Variants in PKHD1 observed in about 807,000 individuals in gnomAD.
PKHD1 encodes fibrocystin.
A neutral mutation model predicts 412.0 loss-of-function variants in PKHD1; 291 were observed. That is an observed-to-expected ratio of 0.71 (90% CI 0.64 to 0.78). The LOEUF (loss-of-function observed/expected upper bound fraction) is 0.78, where lower values mean the gene tolerates loss of function less well. Among genes scored for constraint, PKHD1 ranks in the 30% least tolerant of loss-of-function variants. PKHD1 has a pLI of 0.00. For missense variants in PKHD1, 4,825 were observed against 4,950.7 expected, an observed-to-expected ratio of 0.97 and a Z score of 0.76; for synonymous variants, 1,777 against 1,821.5, an observed-to-expected ratio of 0.98 and a Z score of 0.62.
At chr6:51,721,298 C>A in intron 60 of PKHD1, 2 of 873,214 alleles carry the variant, frequency 2.3e-6, no homozygotes, top group Non-Finnish European at 1.4e-6. Flanking sequence ...CTTTCTTTAC[C>A]AATATTATTA....
chr6:51,830,817 G>A (rs565084475), intron 52 of PKHD1, 44 bp downstream of exon 52: 1 of 1,578,644 alleles, frequency 6.3e-7, no homozygotes, highest in South Asian at 1.1e-5. Context: ...GATCTGGCTG[G>A]GTTCAGCCTG....
chr6:51,815,648 C>T lies in PKHD1; in HGVS notation c.8302+15213G>A, dbSNP rs984859791. On this transcript the variant is annotated intron_variant, in intron 52 of 66. Coordinates refer to ENST00000371117, the MANE Select transcript of PKHD1 (RefSeq NM_138694.4). ...CGATGAGGCCAGATCACAAAGGGCT[C>T]TGCAGTCCAAACAAATACGTTTGAA... Among the ~76,000 whole-genome samples the T allele has an allele frequency of 1.8e-4, 27 of 152,252 alleles. 1 individual carries two copies. Among genetic ancestry groups the T allele is most frequent in the African/African-American group, 6.0e-4 (25 of 41,558 alleles).
At chr6:51,918,132 T>C (rs1054855240) in intron 37 of PKHD1, among the ~76,000 whole-genome samples, 1 of 152,036 alleles carries the variant, frequency 6.6e-6, no homozygotes, top group Non-Finnish European at 1.5e-5. Flanking sequence ...TGTTGACCTG[T>C]TTTAAAGACC....
At chr6:52,053,377 C>T in intron 20 of PKHD1, 126 bp from the exon 21 acceptor site, 2 of 929,904 alleles carry the variant, frequency 2.2e-6, no homozygotes, top group South Asian at 1.4e-5. Flanking sequence ...CCCATGAACC[C>T]CTGCACCCAA....
intron 29 of PKHD1, among the ~76,000 whole-genome samples, chr6:52,031,906 T>C (rs1478988800): frequency 6.6e-6 from 1 of 152,220 alleles, no homozygotes; most frequent in East Asian, 1.9e-4. Flanking sequence ...TGGTCAACTG[T>C]CAAGCTAATC....
At position 51,806,694 on chromosome 6, in the gene PKHD1, G is replaced by A. The variant is rs58419334; in HGVS notation, c.8303-15321C>T. On this transcript the variant is annotated intron_variant, in intron 52 of 66. Coordinates refer to ENST00000371117, the MANE Select transcript of PKHD1 (RefSeq NM_138694.4). ...GAATCGTTATCTAAAAATAGATGAG[G>A]GTTTTTTTTTAATTCAAGGGAGTTT... Among the ~76,000 whole-genome samples the A allele has an allele frequency of 9.1e-3, 920 of 101,304 alleles. 15 individuals are homozygous for A. Among genetic ancestry groups the A allele is most frequent in the African/African-American group, 0.028 (861 of 31,044 alleles). The allele number at this position is 101,304 out of a possible 152,430, so 66.5% of individuals were successfully genotyped here.
In PKHD1 at chr6:52,071,055, C is replaced by T. The variant is rs2128230194; in HGVS notation, c.618G>A (p.Glu206=). 6.2e-7 allele frequency: 1 copy of T among 1,603,894 alleles called. No homozygotes were observed. Among genetic ancestry groups the T allele is most frequent in the Non-Finnish European group, 8.5e-7 (1 of 1,170,928 alleles). ...ACTGCAGAGTCCCAAGACCATGGTC[C>T]TCCTGAATAGGATAACTAAGGAAAA... ...RQMGSCYPIQ[E]DHGLGTLQCH... is the part of the protein sequence containing the mutation. Residue 206 remains glutamate, a synonymous_variant, in exon 9 of 67, where the codon GAG becomes GAA. Coordinates refer to ENST00000371117, the MANE Select transcript of PKHD1 (RefSeq NM_138694.4).
chr6:51,745,664 A>G (rs1785098968), intron 59 of PKHD1, among the ~76,000 whole-genome samples: 2 of 152,204 alleles, frequency 1.3e-5, no homozygotes, highest in African/African-American at 2.4e-5. Context: ...TGATTGTGCC[A>G]CTGCACTTCA....
At chr6:52,048,886 T>C (rs1806299397) in intron 22 of PKHD1, among the ~76,000 whole-genome samples, 1 of 152,228 alleles carries the variant, frequency 6.6e-6, no homozygotes, top group South Asian at 2.1e-4. Context: ...CCACTGAAGA[T>C]GTCTCACCTC....
At chr6:52,086,209 C>A (rs1360484563) in intron 1 of PKHD1, among the ~76,000 whole-genome samples, 2 of 151,370 alleles carry the variant, frequency 1.3e-5, no homozygotes, top group Admixed American at 6.6e-5. Flanking sequence ...CTCCCAGGTT[C>A]AAGTGATTCT....
chr6:51,704,622 G>A (rs1028095732), intron 60 of PKHD1, among the ~76,000 whole-genome samples: 1 of 152,096 alleles, frequency 6.6e-6, no homozygotes, highest in African/African-American at 2.4e-5. Context: ...TTGTGACTCT[G>A]TGAAGGATGG....
chr6:51,649,013 A>G (rs2150365934), intron 62 of PKHD1, 72 bp downstream of exon 62: 1 of 1,423,528 alleles, frequency 7.0e-7, no homozygotes, highest in East Asian at 2.3e-5. Context: ...ATGATGACAC[A>G]CTCTAAAAGA....
rs574679899 is a variant in PKHD1 at position 51,618,406 on chromosome 6, T to A, written c.*675A>T. Reference sequence around the variant, plus strand: ...GCATTTTTACATCTTTGTCCTTAACTAAACTCTCAGCAAAGCCCATGAGAA... The same window carrying A: ...GCATTTTTACATCTTTGTCCTTAACAAAACTCTCAGCAAAGCCCATGAGAA... On this transcript the variant is annotated 3_prime_UTR_variant, in exon 67 of 67. Coordinates refer to ENST00000371117, the MANE Select transcript of PKHD1 (RefSeq NM_138694.4). The A allele has an allele frequency of 6.6e-6, 1 of 152,586 alleles. No individual in the cohort carries two copies. Among genetic ancestry groups the A allele is most frequent in the Non-Finnish European group, 1.5e-5 (1 of 68,418 alleles). 9.5% of individuals were successfully genotyped at this position (152,586 alleles called of 1,614,324 possible). A position where few individuals can be genotyped will look rare whatever the true frequency, so the allele number is the denominator to read the frequency against.
intron 45 of PKHD1, 34 bp downstream of exon 45, chr6:51,885,830 AAAC>A (rs761763100): frequency 4.5e-6 from 6 of 1,332,210 alleles, no homozygotes; most frequent in African/African-American, 2.9e-5. Flanking sequence ...TTAATTTTAA[AAAC>A]AACAACAATA....
chr6:51,874,910 C>T (rs1385016952), intron 46 of PKHD1, among the ~76,000 whole-genome samples: 1 of 86,278 alleles, frequency 1.2e-5, no homozygotes, highest in Non-Finnish European at 2.1e-5. Context: ...GTGTGCGCAC[C>T]GTGCGCGAGC....
rs754382673 is a variant in PKHD1 at position 51,744,412 on chromosome 6, C to T, written c.10129G>A (p.Glu3377Lys). Residue 3377 changes from glutamate (E) to lysine (K), a missense_variant, in exon 60 of 67, where the codon GAA becomes AAA. Physicochemically the swap from Glu to Lys is moderately conservative, Grantham distance 56 (BLOSUM62 1). Transcript: ENST00000371117. ...PVSVFPKTEA[E>K]WTASFFNAGT... is the part of the protein sequence containing the mutation. The stretch of plus-strand genomic sequence containing the variant: ...GCGTTGAAGAAGGATGCAGTCCATT[C>T]TGCCTCTGTTTTAGGAAATACAGAA... The T allele has an allele frequency of 1.9e-6, 3 of 1,614,018 alleles. No homozygotes were observed. The South Asian group carries it at 3.3e-5, about 18-fold the overall frequency.
Position 51,616,083 on chromosome 6 carries a change from A to G in PKHD1, c.*2998T>C, listed in dbSNP as rs1423019467. 6.6e-6 allele frequency: 1 copy of G among 152,178 alleles called. No individual in the cohort carries two copies. Among genetic ancestry groups the G allele is most frequent in the African/African-American group, 2.4e-5 (1 of 41,428 alleles). 9.4% of individuals were successfully genotyped at this position (152,178 alleles called of 1,614,324 possible). On this transcript the variant is annotated 3_prime_UTR_variant, in exon 67 of 67. Transcript: ENST00000371117. ...TCTTTATTTGACAAATAAAAATTGT[A>G]TATATTTATCATGTACAACTCGATA...
intron 33 of PKHD1, among the ~76,000 whole-genome samples, chr6:52,018,622 C>A (rs557426895): frequency 2.0e-4 from 31 of 152,112 alleles, no homozygotes; most frequent in Non-Finnish European, 3.1e-4. Context: ...CAAGCAATTC[C>A]CCTGCCTCAG....
At chr6:51,874,763 C>A (rs1456525245) in intron 46 of PKHD1, among the ~76,000 whole-genome samples, 1 of 140,242 alleles carries the variant, frequency 7.1e-6, no homozygotes, top group African/African-American at 2.7e-5. Flanking sequence ...TCCGTCTGTA[C>A]TAAAAACACA....
Sources: gnomAD v4.1 joint callset for allele counts (sites outside exome capture counted in the v4.1 genomes callset) on GRCh38, gnomAD v4.1.1 for gene constraint, MANE v1.5 for transcripts, NCBI Gene and HGNC (gene_info 2026-07-23, HGNC 2026-07-21) for gene names.